The following VPS13A variants were observed in gnomAD, a reference collection of about 807,000 sequenced individuals.
VPS13A encodes the protein vacuolar protein sorting 13 homolog A.
Under a neutral mutation model 390.9 loss-of-function variants are expected in VPS13A, and 264 were observed. The observed-to-expected ratio is 0.68, with a 90% CI of 0.61 to 0.75. The LOEUF (loss-of-function observed/expected upper bound fraction) is 0.75, where lower values mean the gene tolerates loss of function less well. VPS13A is among the 30% of genes least tolerant of loss of function. The probability of loss-of-function intolerance (pLI) is 0.00; values close to 1 mark genes in which losing one functional copy is unlikely to be tolerated. For missense variants in VPS13A, 3,409 were observed against 3,733.9 expected, an observed-to-expected ratio of 0.91 and a Z score of 2.27; for synonymous variants, 1,231 against 1,227.1, an observed-to-expected ratio of 1.00 and a Z score of -0.07.
intron 67 of VPS13A, among the ~76,000 whole-genome samples, chr9:77,374,537 A>T (rs927663141): frequency 6.6e-6 from 1 of 152,152 alleles, no homozygotes; most frequent in Non-Finnish European, 1.5e-5. Flanking sequence ...ACTACTCAGA[A>T]TGGCATGCAA....
intron 68 of VPS13A, among the ~76,000 whole-genome samples, chr9:77,388,992 T>C (rs1054591310): frequency 6.6e-6 from 1 of 152,162 alleles, no homozygotes; most frequent in Non-Finnish European, 1.5e-5. Flanking sequence ...AGATACGAAA[T>C]TTTTCAACAT....
At chr9:77,178,873 C>G (rs1823823688) in intron 1 of VPS13A, among the ~76,000 whole-genome samples, 2 of 152,156 alleles carry the variant, frequency 1.3e-5, no homozygotes, top group South Asian at 4.1e-4. Flanking sequence ...CACTTCCAGT[C>G]TTCTTCTAAA....
At chr9:77,227,293 G>C in intron 15 of VPS13A, 98 bp from the exon 16 acceptor site, 1 of 908,774 alleles carries the variant, frequency 1.1e-6, no homozygotes, top group Non-Finnish European at 1.7e-6. Context: ...GAGCGTTCAA[G>C]AAAGTAAATT....
intron 1 of VPS13A, among the ~76,000 whole-genome samples, chr9:77,187,857 C>G (rs556961735): frequency 2.6e-5 from 4 of 152,116 alleles, no homozygotes; most frequent in Non-Finnish European, 4.4e-5. Context: ...GATCCTCACC[C>G]TCCCCACACC....
intron 32 of VPS13A, among the ~76,000 whole-genome samples, chr9:77,293,764 AAT>A (rs1491386357): frequency 2.0e-5 from 3 of 151,980 alleles, no homozygotes; most frequent in African/African-American, 7.2e-5. Context: ...ATATATCATA[AAT>A]ATGTTATATA....
intron 3 of VPS13A, among the ~76,000 whole-genome samples, chr9:77,203,393 A>G (rs1407910511): frequency 1.3e-5 from 2 of 151,892 alleles, no homozygotes; most frequent in Admixed American, 6.6e-5. Flanking sequence ...GGCTCAAGTA[A>G]CCCTCCCACC....
At chr9:77,302,370 T>C (rs1393441415) in intron 33 of VPS13A, among the ~76,000 whole-genome samples, 24 of 134,380 alleles carry the variant, frequency 1.8e-4, no homozygotes, top group African/African-American at 5.7e-4. Flanking sequence ...TTTTTCCCCT[T>C]TTTTTTTTTT....
chr9:77,403,400 A>G lies in VPS13A; in HGVS notation c.9275+79A>G, dbSNP rs1217805154. 3 of 1,189,282 alleles carry G rather than the reference A, an allele frequency of 2.5e-6. No individual in the cohort carries two copies. The African/African-American group carries it at 4.5e-5, about 18-fold the overall frequency. The allele number at this position is 1,189,282 out of a possible 1,614,324, so 73.7% of individuals were successfully genotyped here. A position where few individuals can be genotyped will look rare whatever the true frequency, so the allele number is the denominator to read the frequency against. Reference sequence around the variant, plus strand: ...CTCATGAGGTGAAGATTTGTTATTCACCTTTTGTTCCATATAGTCACACTG... The same window carrying G: ...CTCATGAGGTGAAGATTTGTTATTCGCCTTTTGTTCCATATAGTCACACTG... On this transcript the variant is annotated intron_variant, in intron 69 of 71. Coordinates refer to ENST00000360280, the MANE Select transcript of VPS13A (RefSeq NM_033305.3).
chr9:77,354,980 C>T (rs1831688314), intron 54 of VPS13A, among the ~76,000 whole-genome samples: 1 of 152,146 alleles, frequency 6.6e-6, no homozygotes, highest in Non-Finnish European at 1.5e-5. Flanking sequence ...CAGTCCTCTT[C>T]TTCATCTCTC....
rs139635727 is a variant in VPS13A at position 77,292,115 on chromosome 9, G to T, written c.3340-1226G>T. 3.4e-3 allele frequency among the ~76,000 whole-genome samples: 516 copies of T among 152,124 alleles called. 3 individuals carry two copies. Among genetic ancestry groups the T allele is most frequent in the African/African-American group, 0.012 (483 of 41,504 alleles). ...CTTGGTGGTGCTTTGGGCCTTTTCT[G>T]CAGTGGAGGCTCCTCACCTTTTCCA... On this transcript the variant is annotated intron_variant, in intron 31 of 71. Transcript: ENST00000360280.
At chr9:77,321,413 G>A in intron 43 of VPS13A, 78 bp from the exon 44 acceptor site, 1 of 1,587,032 alleles carries the variant, frequency 6.3e-7, no homozygotes, top group South Asian at 1.1e-5. Flanking sequence ...TAACTTAGTT[G>A]TCATTTGTCC....
In VPS13A at chr9:77,293,358, A is replaced by G; in HGVS notation, c.3357A>G (p.Gly1119=). The part of the protein sequence containing the change: ...AIYKKAVYIT[G]KEVFSFKMVS... ...TTATTAAGGCTGTTTATATCACTGG[A>G]AAAGAAGTTTTCAGCTTCAAAATGG... Residue 1119 remains glycine, a synonymous_variant, in exon 32 of 72, where the codon GGA becomes GGG. Coordinates refer to ENST00000360280, the MANE Select transcript of VPS13A (RefSeq NM_033305.3). 1 of 1,612,648 alleles carries G rather than the reference A, an allele frequency of 6.2e-7. No homozygotes were observed. Among genetic ancestry groups the G allele is most frequent in the Non-Finnish European group, 8.5e-7 (1 of 1,179,282 alleles).
In VPS13A at chr9:77,344,376, G is replaced by A. The variant is rs1587626637; in HGVS notation, c.7155+95G>A. The A allele has an allele frequency of 4.9e-5, 67 of 1,370,510 alleles. No homozygotes were observed. In the East Asian group the frequency reaches 1.6e-3, roughly 32 times the overall value. 84.9% of individuals were successfully genotyped at this position (1,370,510 alleles called of 1,614,324 possible). A position where few individuals can be genotyped will look rare whatever the true frequency, so the allele number is the denominator to read the frequency against. ...TTTTTTGTATCAAATAATTACTTCT[G>A]TTGATTTTTCCCCTTTCCCCAAAAA... On this transcript the variant is annotated intron_variant, in intron 51 of 71. Transcript: ENST00000360280.
At chr9:77,400,815 G>A (rs1231131099) in intron 68 of VPS13A, among the ~76,000 whole-genome samples, 4 of 138,546 alleles carry the variant, frequency 2.9e-5, no homozygotes, top group African/African-American at 8.2e-5. Flanking sequence ...GCAACAGAGC[G>A]AGACTCTGTC....
rs898626598 is a variant in VPS13A at position 77,418,823 on chromosome 9, T to C, written c.*2817T>C. The C allele has an allele frequency of 6.6e-6, 1 of 152,212 alleles. No individual in the cohort carries two copies. Among genetic ancestry groups the C allele is most frequent in the African/African-American group, 2.4e-5 (1 of 41,452 alleles). The allele number at this position is 152,212 out of a possible 1,614,324, so 9.4% of individuals were successfully genotyped here. A position where few individuals can be genotyped will look rare whatever the true frequency, so the allele number is the denominator to read the frequency against. The stretch of plus-strand genomic sequence containing the variant: ...GTAATATTGTTCCATTGAATATCTA[T>C]GCACCTAGCTCATCTCTTAGAAACA... On this transcript the variant is annotated 3_prime_UTR_variant, in exon 72 of 72. Transcript: ENST00000360280.
At chr9:77,293,675 A>G (rs1364535374) in intron 32 of VPS13A, among the ~76,000 whole-genome samples, 167 bp downstream of exon 32, 2 of 151,890 alleles carry the variant, frequency 1.3e-5, no homozygotes, top group African/African-American at 2.4e-5. Flanking sequence ...CCTTATTTAT[A>G]TAACATCGTT....
chr9:77,276,298 A>G (rs1826666708), intron 26 of VPS13A, 77 bp downstream of exon 26: 1 of 1,321,638 alleles, frequency 7.6e-7, no homozygotes. Context: ...TCAATTCTTT[A>G]GGCTCTGAAT....
Position 77,403,310 on chromosome 9 carries a change from G to A in VPS13A, c.9264G>A (p.Met3088Ile). 6.2e-7 allele frequency: 1 copy of A among 1,611,258 alleles called. No homozygotes were observed. Among genetic ancestry groups the A allele is most frequent in the Non-Finnish European group, 8.5e-7 (1 of 1,179,306 alleles). The change falls in exon 69 of 72, where the codon ATG becomes ATA. Residue 3088 changes from methionine to isoleucine, a missense_variant. Physicochemically the swap from Met to Ile is conservative, Grantham distance 10. Coordinates refer to ENST00000360280, the MANE Select transcript of VPS13A (RefSeq NM_033305.3). ...HVMINKTDML[M>I]ITRRGVLFVT... ...TGATCAATAAGACAGATATGCTAAT[G>A]ATAACCAGACGGTAACTTGCTTTCT... is the stretch of plus-strand genomic sequence containing the variant.
intron 1 of VPS13A, among the ~76,000 whole-genome samples, chr9:77,188,655 A>G (rs1371578876): frequency 2.0e-5 from 3 of 152,128 alleles, no homozygotes; most frequent in Non-Finnish European, 2.9e-5. Flanking sequence ...GCTGGTTCTA[A>G]TGGTAGTTCT....
Sources: allele counts gnomAD v4.1 joint callset (sites outside exome capture counted in the v4.1 genomes callset), GRCh38; gene constraint gnomAD v4.1.1; transcripts MANE v1.5; gene names NCBI Gene and HGNC (gene_info 2026-07-23, HGNC 2026-07-21).